The following KLHL5 variants were observed in gnomAD, a reference collection of about 807,000 sequenced individuals.
KLHL5 encodes kelch-like protein 5.
Under a neutral mutation model 77.7 loss-of-function variants are expected in KLHL5, and 48 were observed. The ratio of observed to expected loss-of-function variants is 0.62; its 90% CI spans 0.49 to 0.79. The LOEUF (loss-of-function observed/expected upper bound fraction) is 0.79. Among genes scored for constraint, KLHL5 ranks in the 30% least tolerant of loss-of-function variants. The pLI is 0.00. For missense variants in KLHL5, 723 were observed against 859.7 expected, an observed-to-expected ratio of 0.84 and a Z score of 1.99; for synonymous variants, 260 against 297.0, an observed-to-expected ratio of 0.88 and a Z score of 1.28.
the KLHL5 span, among the ~76,000 whole-genome samples, chr4:39,138,048 A>C: frequency 4.6e-5 from 7 of 152,168 alleles, no homozygotes; most frequent in Non-Finnish European, 8.8e-5. Context: ...TTACAAAGTC[A>C]AAGAATAACA....
intron 10 of KLHL5, among the ~76,000 whole-genome samples, chr4:39,118,422 G>A (rs1722998065): frequency 6.6e-6 from 1 of 151,786 alleles, no homozygotes; most frequent in Admixed American, 6.6e-5. Context: ...TGAAACTGAA[G>A]GGCACCTTTC....
At chr4:39,118,967 C>T (rs1298376140) in intron 10 of KLHL5, among the ~76,000 whole-genome samples, 1 of 152,108 alleles carries the variant, frequency 6.6e-6, no homozygotes, top group Admixed American at 6.5e-5. Context: ...TTGAGAGCTA[C>T]AAGATTTCAT....
Position 39,107,624 on chromosome 4 carries a change from C to G in KLHL5, c.1581C>G (p.Ser527Arg). The part of the protein sequence containing the change: ...MYAVGGHDGW[S>R]YLNTVERWDP... ...CCGTAGGAGGACATGATGGCTGGAG[C>G]TATCTGAACACAGTGGAAAGATGGG... The change falls in exon 8 of 11, where the codon AGC (serine) becomes AGG (arginine). Residue 527 changes from serine to arginine, a missense_variant. Physicochemically the swap from Ser to Arg is moderately radical, Grantham distance 110. This residue lies in a region of KLHL5 where 214 missense variants were observed against 237.4 expected (regional missense o/e 0.90). Transcript: ENST00000504108. 6.2e-7 allele frequency: 1 copy of G among 1,612,472 alleles called. No homozygotes were observed. Among genetic ancestry groups the G allele is most frequent in the Non-Finnish European group, 8.5e-7 (1 of 1,178,842 alleles).
rs148417293 is a variant in KLHL5 at position 39,095,281 on chromosome 4, A to T, written c.1114-1411A>T. ...TATCATTAACAAAAAGAGCTAAAAC[A>T]CTTATTCCTGGCAGGAATGTTGTGC... On this transcript the variant is annotated intron_variant, in intron 5 of 10. Coordinates refer to ENST00000504108, the MANE Select transcript of KLHL5 (RefSeq NM_015990.5). Among the ~76,000 whole-genome samples the T allele has an allele frequency of 9.4e-4, 143 of 152,206 alleles. 1 individual carries two copies. Among genetic ancestry groups the T allele is most frequent in the African/African-American group, 3.2e-3 (132 of 41,554 alleles).
Position 39,115,606 on chromosome 4 carries a change from T to A in KLHL5, c.2073+276T>A, listed in dbSNP as rs1239719170. 22 of 1,415,336 alleles carry A rather than the reference T, an allele frequency of 1.6e-5. No individual in the cohort carries two copies. In the East Asian group the frequency reaches 5.7e-4, roughly 37 times the overall value. 87.7% of individuals were successfully genotyped at this position (1,415,336 alleles called of 1,614,324 possible). A position where few individuals can be genotyped will look rare whatever the true frequency, so the allele number is the denominator to read the frequency against. On this transcript the variant is annotated intron_variant, in intron 10 of 10. Transcript: ENST00000504108. ...AGTGTTCTAGCCTGATTAAAGCTGATAGGACTACTGGAGGGCTGCAACAAT... is the reference window on the plus strand; with the variant it reads ...AGTGTTCTAGCCTGATTAAAGCTGAAAGGACTACTGGAGGGCTGCAACAAT...
At chr4:39,079,259 T>A (rs73132939) in intron 2 of KLHL5, among the ~76,000 whole-genome samples, 58 of 152,342 alleles carry the variant, frequency 3.8e-4, no homozygotes, top group African/African-American at 1.3e-3. Flanking sequence ...ACCTGAGTGA[T>A]CCTTTAAAGT....
At chr4:39,087,360 A>T (rs1469531) in intron 5 of KLHL5, among the ~76,000 whole-genome samples, 1 of 151,920 alleles carries the variant, frequency 6.6e-6, no homozygotes, top group Non-Finnish European at 1.5e-5. Context: ...TTTCTTTGCC[A>T]CATGTTTATT....
At chr4:39,126,510 T>C (rs1036043479), downstream of KLHL5, among the ~76,000 whole-genome samples, 1 of 152,176 alleles carries the variant, frequency 6.6e-6, no homozygotes, top group Non-Finnish European at 1.5e-5. Flanking sequence ...ATCGCTAGAC[T>C]TCACTGCCAC....
chr4:39,073,911 C>G (rs1718748770), intron 1 of KLHL5, among the ~76,000 whole-genome samples: 2 of 151,878 alleles, frequency 1.3e-5, no homozygotes, highest in South Asian at 4.2e-4. Context: ...CATGATCTAC[C>G]CTCCTCGGCC....
chr4:39,115,797 T>G, intron 10 of KLHL5: 1 of 1,028,038 alleles, frequency 9.7e-7, no homozygotes, highest in South Asian at 4.0e-5. Context: ...TTACACTGAG[T>G]AAGAAACCTG....
chr4:39,047,606 C>G (rs1276472435), intron 1 of KLHL5, among the ~76,000 whole-genome samples: 2 of 152,180 alleles, frequency 1.3e-5, no homozygotes, highest in African/African-American at 2.4e-5. Context: ...CTACTTTCCC[C>G]CGAATTCTTT....
the KLHL5 span, among the ~76,000 whole-genome samples, chr4:39,133,276 AATTAC>A: frequency 6.6e-6 from 1 of 152,210 alleles, no homozygotes; most frequent in South Asian, 2.1e-4. Flanking sequence ...TTTTTCAACT[AATTAC>A]ATTGTGCTTT....
chr4:39,129,537 C>T (rs116095862), downstream of KLHL5, among the ~76,000 whole-genome samples: 1,863 of 152,202 alleles, frequency 0.012, 49 homozygotes, highest in African/African-American at 0.042. This position sits in a 1 kb window ranked among gnomAD's most constrained non-coding sequence, Gnocchi z 4.2. Context: ...TAGGGGGATA[C>T]AAGTGTAGGT....
downstream of KLHL5, among the ~76,000 whole-genome samples, chr4:39,129,728 A>G (rs1723726178): frequency 6.6e-6 from 1 of 152,130 alleles, no homozygotes. This position sits in a 1 kb window ranked among gnomAD's most constrained non-coding sequence, Gnocchi z 4.2. Flanking sequence ...AGATTTTCAA[A>G]TGTTATTGTA....
At chr4:39,126,900 G>A (rs1484497015), downstream of KLHL5, 1 of 369,862 alleles carries the variant, frequency 2.7e-6, no homozygotes, top group East Asian at 7.3e-5. Flanking sequence ...ATGAATGTGT[G>A]TCAGAAGTTA....
chr4:39,127,514 T>C (rs991224421), downstream of KLHL5, among the ~76,000 whole-genome samples: 12 of 152,154 alleles, frequency 7.9e-5, no homozygotes, highest in Admixed American at 5.2e-4. Context: ...ATGGCCTGAT[T>C]ATAGCTCACT....
chr4:39,096,984 CA>C (rs751321988), intron 6 of KLHL5, 106 bp downstream of exon 6: 66 of 912,214 alleles, frequency 7.2e-5, no homozygotes, highest in Admixed American at 1.6e-4. Context: ...GGCTGCAGGA[CA>C]GGGGCAGAAA....
chr4:39,076,294 A>G, intron 2 of KLHL5, 147 bp downstream of exon 2: 2 of 659,438 alleles, frequency 3.0e-6, no homozygotes, highest in East Asian at 2.9e-5. Flanking sequence ...GGTGCATATG[A>G]AATTATTACA....
At chr4:39,087,038 G>A (rs942102863) in intron 5 of KLHL5, among the ~76,000 whole-genome samples, 13 of 147,488 alleles carry the variant, frequency 8.8e-5, no homozygotes, top group Admixed American at 1.4e-4. Flanking sequence ...AGCCTCTCAA[G>A]TAGCTGGGAC....
Sources: allele counts gnomAD v4.1 joint callset (sites outside exome capture counted in the v4.1 genomes callset), GRCh38; gene constraint gnomAD v4.1.1; regional missense constraint gnomAD v4.1.1; non-coding constraint Gnocchi (gnomAD v3.1); transcripts MANE v1.5; gene names NCBI Gene and HGNC (gene_info 2026-07-23, HGNC 2026-07-21).